The following CALR variants were observed in gnomAD, a reference collection of about 807,000 sequenced individuals.
CALR encodes CRP55.
CALR carries 15 observed loss-of-function variants against 51.1 expected under a neutral mutation model. That is an observed-to-expected ratio of 0.29 (90% confidence interval 0.20 to 0.45). The LOEUF (loss-of-function observed/expected upper bound fraction) is 0.45, where lower values mean the gene tolerates loss of function less well. Among genes scored for constraint, CALR ranks in the 20% least tolerant of loss-of-function variants. CALR has a pLI of 1.00. For synonymous variants in CALR, 239 were observed against 205.9 expected (o/e 1.16, Z -1.38); for missense variants, 477 against 530.6 (o/e 0.90, Z 0.99).
At chr19:12,943,289 T>A in intron 7 of CALR, 1 of 510,280 alleles carries the variant, frequency 2.0e-6, no homozygotes. Context: ...TTTCACCGTG[T>A]TAGCCAGGGT....
In CALR at chr19:12,941,031, TG is replaced by T; in HGVS notation, c.960+145del. ...TAAACAGTACTTCCTGGTCTGTCCC[TG>T]TGAAGTCCTCACAGCAACCCCTTTA... On this transcript the variant is annotated intron_variant, in intron 7 of 8. Coordinates refer to ENST00000316448, the MANE Select transcript of CALR (RefSeq NM_004343.4). The T allele has an allele frequency of 5.1e-6, 4 of 789,138 alleles. No individual in the cohort carries two copies. The South Asian group carries it at 5.7e-5, about 11-fold the overall frequency. 48.9% of individuals were successfully genotyped at this position (789,138 alleles called of 1,614,324 possible).
chr19:12,938,666 C>T lies in CALR; in HGVS notation c.-14C>T, dbSNP rs1971498253. 1 of 1,601,544 alleles carries T rather than the reference C, an allele frequency of 6.2e-7. No individual in the cohort carries two copies. The highest frequency in any genetic ancestry group is 8.5e-7 in the Non-Finnish European group (1 of 1,173,620). On this transcript the variant is annotated 5_prime_UTR_variant, in exon 1 of 9. Coordinates refer to ENST00000316448, the MANE Select transcript of CALR (RefSeq NM_004343.4). ...TTTTAAAGGGCCCGCGCGTTGCCGC[C>T]CCCTCGGCCCGCCATGCTGCTATCC...
chr19:12,940,267 A>G lies in CALR; in HGVS notation c.517A>G (p.Thr173Ala), dbSNP rs1971527621. ...CKDDEFTHLY[T>A]LIVRPDNTYE... ...GGATGATGAGTTTACACACCTGTACACACTGATTGTGCGGCCAGACAACAC... is the reference window on the plus strand; with the variant it reads ...GGATGATGAGTTTACACACCTGTACGCACTGATTGTGCGGCCAGACAACAC... The change falls in exon 5 of 9, where the codon ACA becomes GCA. Residue 173 changes from threonine to alanine, a missense_variant. By Grantham distance (58) the Thr-to-Ala change is moderately conservative. Coordinates refer to ENST00000316448, the MANE Select transcript of CALR (RefSeq NM_004343.4). The G allele has an allele frequency of 6.2e-7, 1 of 1,614,202 alleles. No individual in the cohort carries two copies. The highest frequency in any genetic ancestry group is 8.5e-7 in the Non-Finnish European group (1 of 1,180,038).
rs140610430 is a variant in CALR at position 12,943,587 on chromosome 19, A to G, written c.1011A>G (p.Ala337=). Residue 337 remains alanine (A), a synonymous_variant, in exon 8 of 9, where the codon GCA becomes GCG. Coordinates refer to ENST00000316448, the MANE Select transcript of CALR (RefSeq NM_004343.4). ...ACTTCCTCATCACCAACGATGAGGC[A>G]TACGCTGAGGAGTTTGGCAACGAGA... is the stretch of plus-strand genomic sequence containing the variant. ...FDNFLITNDE[A]YAEEFGNETW... The G allele has an allele frequency of 3.8e-4, 611 of 1,614,150 alleles. 3 individuals carry two copies. The African/African-American group carries it at 7.4e-3, about 20-fold the overall frequency.
chr19:12,939,410 A>C lies in CALR; in HGVS notation c.194-18A>C. On this transcript the variant is annotated intron_variant, in intron 2 of 8. Transcript: ENST00000316448. ...CGAGTCAAGGCCCAACGGTGACCTC[A>C]CTACCGTCCCGTCTCAGGTTTGCAG... The C allele has an allele frequency of 1.2e-6, 2 of 1,611,810 alleles. No individual in the cohort carries two copies. Among genetic ancestry groups the C allele is most frequent in the Non-Finnish European group, 1.7e-6 (2 of 1,179,552 alleles).
At chr19:12,939,776 G>A (rs1472732655) in intron 3 of CALR, 145 bp downstream of exon 3, 2 of 778,818 alleles carry the variant, frequency 2.6e-6, no homozygotes, top group East Asian at 5.0e-5. Flanking sequence ...TATGATCGCA[G>A]ATCTAGGCTG....
intron 2 of CALR, 28 bp from the exon 3 acceptor site, chr19:12,939,400 C>T (rs777716799): frequency 3.1e-6 from 5 of 1,609,184 alleles, no homozygotes; most frequent in South Asian, 1.1e-5. Flanking sequence ...CAAGGCCCAA[C>T]GGTGACCTCA....
At chr19:12,942,094 T>C (rs985072457) in intron 7 of CALR, among the ~76,000 whole-genome samples, 23 of 150,714 alleles carry the variant, frequency 1.5e-4, no homozygotes, top group Non-Finnish European at 3.1e-4. Context: ...ACACAGTGGC[T>C]CACACCTGTA....
chr19:12,940,962 G>C, intron 7 of CALR, 75 bp downstream of exon 7: 1 of 1,444,780 alleles, frequency 6.9e-7, no homozygotes, highest in South Asian at 1.1e-5. Context: ...AAAGGGACAG[G>C]GTAGGCACCC....
chr19:12,941,805 T>C (rs1037498961), intron 7 of CALR, among the ~76,000 whole-genome samples: 1 of 151,168 alleles, frequency 6.6e-6, no homozygotes. Context: ...CAGGGCTTCA[T>C]GTTGCCCAGG....
In CALR at chr19:12,940,284, A is replaced by T. The variant is rs1971528061; in HGVS notation, c.534A>T (p.Pro178=). 2 of 1,614,222 alleles carry T rather than the reference A, an allele frequency of 1.2e-6. No homozygotes were observed. The highest frequency in any genetic ancestry group is 1.7e-6 in the Non-Finnish European group (2 of 1,180,044). The change falls in exon 5 of 9, where the codon CCA becomes CCT. Residue 178 remains proline, a synonymous_variant. Coordinates refer to ENST00000316448, the MANE Select transcript of CALR (RefSeq NM_004343.4). ...FTHLYTLIVR[P]DNTYEVKIDN... ...ACCTGTACACACTGATTGTGCGGCC[A>T]GACAACACCTATGAGGTGAAGATTG... is the stretch of plus-strand genomic sequence containing the variant.
intron 7 of CALR, among the ~76,000 whole-genome samples, chr19:12,941,861 C>T (rs1239652597): frequency 1.3e-5 from 2 of 151,940 alleles, no homozygotes; most frequent in Non-Finnish European, 2.9e-5. Context: ...GCCTCGGCCT[C>T]CCAAAGTGCT....
At chr19:12,941,308 T>G (rs1971543325) in intron 7 of CALR, among the ~76,000 whole-genome samples, 1 of 151,938 alleles carries the variant, frequency 6.6e-6, no homozygotes, top group South Asian at 2.1e-4. Flanking sequence ...AAAATTTTTT[T>G]TTTTGAGACA....
intron 1 of CALR, 146 bp downstream of exon 1, chr19:12,938,916 C>T (rs924723480): frequency 1.3e-6 from 1 of 786,624 alleles, no homozygotes; most frequent in African/African-American, 1.7e-5. Flanking sequence ...TCTTCTGCGT[C>T]CCTGGGGAGC....
intron 1 of CALR, 135 bp downstream of exon 1, chr19:12,938,905 CTCT>C (rs1971504274): frequency 8.7e-6 from 7 of 807,230 alleles, no homozygotes; most frequent in Non-Finnish European, 1.3e-5. Context: ...CGGGCGATTT[CTCT>C]TCTGCGTCCC....
At chr19:12,943,415 C>T in intron 7 of CALR, 122 bp from the exon 8 acceptor site, 3 of 865,324 alleles carry the variant, frequency 3.5e-6, no homozygotes, top group South Asian at 1.4e-5. Flanking sequence ...AGCGGTGTTC[C>T]TTGTCTTCTC....
rs889694246 is a variant in CALR at position 12,938,621 on chromosome 19, G to C, written c.-59G>C. The C allele has an allele frequency of 8.3e-5, 113 of 1,357,032 alleles. 1 individual carries two copies. The highest frequency in any genetic ancestry group is 1.1e-4 in the Non-Finnish European group (108 of 969,412). The allele number at this position is 1,357,032 out of a possible 1,614,324, so 84.1% of individuals were successfully genotyped here. On this transcript the variant is annotated 5_prime_UTR_variant, in exon 1 of 9. Coordinates refer to ENST00000316448, the MANE Select transcript of CALR (RefSeq NM_004343.4). ...GGCGGCGGCGTCCGTCCGTACTGCA[G>C]AGCCGCTGCCGGAGGGTCGTTTTAA...
At chr19:12,939,717 T>C in intron 3 of CALR, 86 bp downstream of exon 3, 1 of 1,181,338 alleles carries the variant, frequency 8.5e-7, no homozygotes, top group South Asian at 1.2e-5. Flanking sequence ...TAATGATTTT[T>C]TTTGGAAGGG....
chr19:12,943,444 A>T (rs919384304), intron 7 of CALR, 93 bp from the exon 8 acceptor site: 1 of 1,076,174 alleles, frequency 9.3e-7, no homozygotes, highest in Admixed American at 1.8e-5. Flanking sequence ...CAGGCAGCAG[A>T]ATATAGTGGT....
Sources: gnomAD v4.1 joint callset for allele counts (sites outside exome capture counted in the v4.1 genomes callset) on GRCh38, gnomAD v4.1.1 for gene constraint, MANE v1.5 for transcripts, NCBI Gene and HGNC (gene_info 2026-07-23, HGNC 2026-07-21) for gene names.